SLFN12L: variants seen among roughly 807,000 people sequenced by gnomAD.
SLFN12L encodes the protein schlafen family member 12-like.
In SLFN12L, 34 loss-of-function variants were observed where a neutral mutation model predicts 34.8. That is an observed-to-expected ratio of 0.98 (90% CI 0.74 to 1.30). The LOEUF (loss-of-function observed/expected upper bound fraction) is 1.30. SLFN12L is among the 50% of genes most tolerant of loss of function. The pLI, the probability that SLFN12L is intolerant of heterozygous loss-of-function variation, is 0.00. For missense variants in SLFN12L, 703 were observed against 696.2 expected (o/e 1.01, Z -0.11); for synonymous variants, 259 against 247.5 (o/e 1.05, Z -0.44).
chr17:35,505,391 A>C (rs575875983), intron 2 of SLFN12L, among the ~76,000 whole-genome samples: 1 of 152,356 alleles, frequency 6.6e-6, no homozygotes, highest in East Asian at 1.9e-4. Context: ...CCTGTGCTTA[A>C]GAGCCTTGGC....
chr17:35,522,202 A>G, intron 2 of SLFN12L, 77 bp downstream of exon 2: 1 of 1,560,966 alleles, frequency 6.4e-7, no homozygotes, highest in Non-Finnish European at 8.7e-7. Context: ...CTTAATTTTC[A>G]AGGGACAAGG....
intron 2 of SLFN12L, chr17:35,515,163 G>A (rs1472108827): frequency 3.2e-6 from 2 of 623,238 alleles, no homozygotes; most frequent in East Asian, 4.0e-5. Context: ...ATACTCCAGC[G>A]GCGATGGCTC....
chr17:35,535,479 G>A (rs1377840759), intron 1 of SLFN12L, among the ~76,000 whole-genome samples: 1 of 149,038 alleles, frequency 6.7e-6, no homozygotes, highest in African/African-American at 2.5e-5. Flanking sequence ...TTACAGCACC[G>A]CACCCAGCCT....
At chr17:35,489,943 C>G in intron 2 of SLFN12L, 1 of 1,326,910 alleles carries the variant, frequency 7.5e-7, no homozygotes, top group Non-Finnish European at 1.1e-6. Context: ...ACAAAAATCC[C>G]ACAACCAGTC....
intron 1 of SLFN12L, among the ~76,000 whole-genome samples, chr17:35,525,867 T>G (rs932832170): frequency 6.6e-6 from 1 of 152,142 alleles, no homozygotes; most frequent in Admixed American, 6.5e-5. Context: ...ATATTAACCT[T>G]AAATGTAAAT....
Position 35,472,757 on chromosome 17 carries a change from A to G in SLFN12L, c.*2166T>C, listed in dbSNP as rs931044946. On this transcript the variant is annotated 3_prime_UTR_variant, in exon 5 of 5. Coordinates refer to ENST00000628453, the MANE Select transcript of SLFN12L (RefSeq NM_001363830.2). ...TACTTTGGGCAATATGGCCATTTTC[A>G]TGATATTGATTCTTCCTGTTTATGA... 1.3e-5 allele frequency among the ~76,000 whole-genome samples: 2 copies of G among 152,176 alleles called. No individual in the cohort carries two copies. Among genetic ancestry groups the G allele is most frequent in the African/African-American group, 4.8e-5 (2 of 41,444 alleles).
chr17:35,492,292 G>A (rs1270234402), intron 2 of SLFN12L, among the ~76,000 whole-genome samples: 1 of 152,154 alleles, frequency 6.6e-6, no homozygotes, highest in Non-Finnish European at 1.5e-5. Flanking sequence ...GGGGCTTGCT[G>A]ACATGGGTGA....
At position 35,473,963 on chromosome 17, in the gene SLFN12L, A is replaced by G. The variant is rs8082478; in HGVS notation, c.*960T>C. 29,888 of 152,118 alleles carry G rather than the reference A, an allele frequency of 0.2. 3,336 individuals are homozygous for G. Among genetic ancestry groups the G allele is most frequent in the African/African-American group, 0.3 (12,545 of 41,452 alleles). 9.4% of individuals were successfully genotyped at this position (152,118 alleles called of 1,614,324 possible). On this transcript the variant is annotated 3_prime_UTR_variant, in exon 5 of 5. Transcript: ENST00000628453. ...TGACAGAGTCTTGCTCTCTTGCCCAAGCTGGAGTGCAGTGGTGTGGTCTTG... is the reference window on the plus strand; with the variant it reads ...TGACAGAGTCTTGCTCTCTTGCCCAGGCTGGAGTGCAGTGGTGTGGTCTTG...
At chr17:35,535,541 C>T (rs922670551) in intron 1 of SLFN12L, among the ~76,000 whole-genome samples, 2 of 150,792 alleles carry the variant, frequency 1.3e-5, no homozygotes, top group African/African-American at 2.4e-5. Context: ...GGCTGGAGTG[C>T]AGTGGTGCAG....
chr17:35,466,302 CTAT>C lies in SLFN12L; in HGVS notation c.*8618_*8620del, dbSNP rs1913718864. ...GCCTTAAGAATCCTCTGTGGTTCAACTATTCATTCCTCCCACTCCCTTAATCCT... is the reference window on the plus strand; with the variant it reads ...GCCTTAAGAATCCTCTGTGGTTCAACTCATTCCTCCCACTCCCTTAATCCT... On this transcript the variant is annotated 3_prime_UTR_variant, in exon 5 of 5. Transcript: ENST00000628453. Among the ~76,000 whole-genome samples, 1 of 152,174 alleles carries C rather than the reference CTAT, an allele frequency of 6.6e-6. No individual in the cohort carries two copies. The highest frequency in any genetic ancestry group is 1.5e-5 in the Non-Finnish European group (1 of 68,032).
intron 2 of SLFN12L, among the ~76,000 whole-genome samples, chr17:35,514,208 A>C (rs1915742890): frequency 6.6e-6 from 1 of 152,256 alleles, no homozygotes; most frequent in African/African-American, 2.4e-5. Context: ...CATTAAGCTC[A>C]CTGATTTAAA....
At chr17:35,520,023 G>A (rs149728459) in intron 2 of SLFN12L, among the ~76,000 whole-genome samples, 5 of 152,262 alleles carry the variant, frequency 3.3e-5, no homozygotes, top group African/African-American at 1.2e-4. Context: ...TCTCTTCGTG[G>A]CAATAAGATA....
At chr17:35,517,810 T>C (rs1915877902) in intron 2 of SLFN12L, among the ~76,000 whole-genome samples, 1 of 152,172 alleles carries the variant, frequency 6.6e-6, no homozygotes, top group Non-Finnish European at 1.5e-5. Context: ...GGATTCCCTG[T>C]TTAATAAATC....
In SLFN12L at chr17:35,470,646, T is replaced by C. The variant is rs11655913; in HGVS notation, c.*4277A>G. The C allele has an allele frequency of 0.64, 96,323 of 151,568 alleles. 31,306 individuals are homozygous for C. The highest frequency in any genetic ancestry group is 0.78 in the African/African-American group (32,335 of 41,286). 9.4% of individuals were successfully genotyped at this position (151,568 alleles called of 1,614,324 possible). On this transcript the variant is annotated 3_prime_UTR_variant, in exon 5 of 5. Coordinates refer to ENST00000628453, the MANE Select transcript of SLFN12L (RefSeq NM_001363830.2). Reference sequence around the variant, plus strand: ...CAGGGCTGGAAAGACTCCAAGAGTGTGAACATGCTCCCACTGTTTTAAGTT... The same window carrying C: ...CAGGGCTGGAAAGACTCCAAGAGTGCGAACATGCTCCCACTGTTTTAAGTT...
chr17:35,465,044 T>A lies in SLFN12L; in HGVS notation c.*9879A>T, dbSNP rs1939554419. On this transcript the variant is annotated 3_prime_UTR_variant, in exon 5 of 5. Transcript: ENST00000628453. ...GGAGCACACCACCACATCCAGCTAA[T>A]TTTTGTATTTTTTAGTAGAGATGAG... is the stretch of plus-strand genomic sequence containing the variant. 6.6e-6 allele frequency among the ~76,000 whole-genome samples: 1 copy of A among 152,130 alleles called. No homozygotes were observed. Among genetic ancestry groups the A allele is most frequent in the South Asian group, 2.1e-4 (1 of 4,820 alleles).
Position 35,474,688 on chromosome 17 carries a change from G to C in SLFN12L, c.*235C>G, listed in dbSNP as rs746592230. On this transcript the variant is annotated 3_prime_UTR_variant, in exon 5 of 5. Coordinates refer to ENST00000628453, the MANE Select transcript of SLFN12L (RefSeq NM_001363830.2). ...TGTACTCCTAGCACTTTGGGAGACCGGGGGGGGGGGTTGAATCACGAGGTC... is the reference window on the plus strand; with the variant it reads ...TGTACTCCTAGCACTTTGGGAGACCCGGGGGGGGGGTTGAATCACGAGGTC... The C allele has an allele frequency of 2.4e-5, 3 of 126,468 alleles. No individual in the cohort carries two copies. The highest frequency in any genetic ancestry group is 4.7e-5 in the Non-Finnish European group (3 of 64,268). 7.8% of individuals were successfully genotyped at this position (126,468 alleles called of 1,614,324 possible). A position where few individuals can be genotyped will look rare whatever the true frequency, so the allele number is the denominator to read the frequency against.
At chr17:35,498,192 C>CGGGGCCGCCTGGGGAGCT (rs1915162268) in intron 2 of SLFN12L, 2 of 691,184 alleles carry the variant, frequency 2.9e-6, no homozygotes, top group African/African-American at 3.5e-5. Context: ...CGTGGGGAGC[C>CGGGGCCGCCTGGGGAGCT]GGGGCCGCCT....
Position 35,526,300 on chromosome 17 carries a change from G to A in SLFN12L, c.-605-3331C>T, listed in dbSNP as rs563042503. On this transcript the variant is annotated intron_variant, in intron 1 of 4. Coordinates refer to ENST00000628453, the MANE Select transcript of SLFN12L (RefSeq NM_001363830.2). Reference sequence around the variant, plus strand: ...TACAGTCAATATTAGACAGATCAACGAGACAGAAAATTAACAAGGATATTC... The same window carrying A: ...TACAGTCAATATTAGACAGATCAACAAGACAGAAAATTAACAAGGATATTC... Among the ~76,000 whole-genome samples the A allele has an allele frequency of 2.6e-5, 4 of 152,224 alleles. No individual in the cohort carries two copies. In the East Asian group the frequency reaches 5.8e-4, roughly 22 times the overall value.
intron 2 of SLFN12L, chr17:35,491,062 T>C (rs1159515720): frequency 1.3e-6 from 1 of 785,174 alleles, no homozygotes; most frequent in Non-Finnish European, 2.4e-6. Flanking sequence ...TTCCTTCTAA[T>C]CCTCTAGTAT....
Sources: allele counts gnomAD v4.1 joint callset (sites outside exome capture counted in the v4.1 genomes callset), GRCh38; gene constraint gnomAD v4.1.1; transcripts MANE v1.5; gene names NCBI Gene and HGNC (gene_info 2026-07-23, HGNC 2026-07-21).